The following HEPH variants were observed in gnomAD, a reference collection of about 807,000 sequenced individuals.
The protein encoded by HEPH is hephaestin.
A neutral mutation model predicts 80.8 loss-of-function variants in HEPH; 69 were observed. The ratio of observed to expected loss-of-function variants is 0.85; its 90% CI spans 0.70 to 1.04. HEPH has a LOEUF of 1.04. HEPH is among the 50% of genes least tolerant of loss of function. HEPH has a pLI of 0.00. For synonymous variants in HEPH, 431 were observed against 322.8 expected (o/e 1.34, Z -3.60); for missense variants, 1,115 against 891.3 (o/e 1.25, Z -3.20).
intron 15 of HEPH, among the ~76,000 whole-genome samples, chrX:66,208,563 G>A (rs1222228512): frequency 1.0e-5 from 1 of 99,510 alleles, no homozygotes; most frequent in African/African-American, 3.6e-5. Flanking sequence ...AGGCTGCAGT[G>A]AGCCAACATC....
At chrX:66,232,279 G>C in intron 15 of HEPH, among the ~76,000 whole-genome samples, 1 of 111,151 alleles carries the variant, frequency 9.0e-6, no homozygotes, top group Non-Finnish European at 1.9e-5. Flanking sequence ...GTATCAGAAT[G>C]ATGCTGGCCT....
intron 4 of HEPH, 67 bp downstream of exon 4, chrX:66,173,868 G>T (rs775210827): frequency 8.7e-6 from 7 of 800,166 alleles, no homozygotes; most frequent in Non-Finnish European, 1.3e-5. Context: ...TGATATGGTT[G>T]AACCACCTAC....
intron 15 of HEPH, among the ~76,000 whole-genome samples, chrX:66,230,058 G>A (rs1215094982): frequency 9.8e-6 from 1 of 101,748 alleles, no homozygotes; most frequent in Non-Finnish European, 2.0e-5. Context: ...AGTTTGCTGA[G>A]AATGATGATT....
intron 15 of HEPH, 160 bp downstream of exon 15, chrX:66,208,406 G>T (rs1181380921): frequency 4.3e-6 from 2 of 467,625 alleles, no homozygotes; most frequent in South Asian, 4.7e-5. Context: ...ATCACTTGAG[G>T]TTAGGAGTTC....
Position 66,188,450 on chromosome X carries a change from G to T in HEPH, c.717G>T (p.Trp239Cys). ...GTGTGGTAGATGAGAACCTCAGCTGGCATCTCAATGAGAACATTGCCACTT... is the reference window on the plus strand; with the variant it reads ...GTGTGGTAGATGAGAACCTCAGCTGTCATCTCAATGAGAACATTGCCACTT... ...LFSVVDENLS[W>C]HLNENIATYC... Residue 239 changes from tryptophan (W) to cysteine (C), a missense_variant, in exon 5 of 21, where the codon TGG becomes TGT. Around this residue, in one of 3 missense-constraint regions of HEPH, gnomAD observed 391 missense variants for 343.6 expected, o/e 1.14. Transcript: ENST00000343002. The T allele has an allele frequency of 8.3e-7, 1 of 1,206,691 alleles. No homozygotes were observed. Among genetic ancestry groups the T allele is most frequent in the South Asian group, 1.8e-5 (1 of 56,365 alleles).
chrX:66,215,043 A>G (rs1008383015), intron 15 of HEPH, among the ~76,000 whole-genome samples: 4 of 111,612 alleles, frequency 3.6e-5, no homozygotes, highest in Non-Finnish European at 7.5e-5. Flanking sequence ...CATTAAATTT[A>G]TAGATTAATT....
intron 4 of HEPH, among the ~76,000 whole-genome samples, chrX:66,175,616 A>G (rs1464651178): frequency 1.8e-5 from 2 of 111,608 alleles, no homozygotes; most frequent in Non-Finnish European, 3.8e-5. Flanking sequence ...TATTTTCACA[A>G]TATTGATCCT....
intron 18 of HEPH, 48 bp downstream of exon 18, chrX:66,259,027 G>T: frequency 1.8e-6 from 2 of 1,141,903 alleles, no homozygotes; most frequent in Non-Finnish European, 2.3e-6. Flanking sequence ...TAGAACAGTG[G>T]TTTAACAGCA....
chrX:66,202,755 C>G (rs1202264820), intron 12 of HEPH, among the ~76,000 whole-genome samples: 2 of 109,628 alleles, frequency 1.8e-5, no homozygotes, highest in African/African-American at 6.6e-5. Flanking sequence ...TATAGCATCA[C>G]TTAACTGAAC....
At chrX:66,174,844 G>A (rs1303527110) in intron 4 of HEPH, among the ~76,000 whole-genome samples, 1 of 111,533 alleles carries the variant, frequency 9.0e-6, no homozygotes. Flanking sequence ...CATGTTCTTA[G>A]CCCACTTTTT....
At chrX:66,179,034 A>G (rs1041071988) in intron 4 of HEPH, among the ~76,000 whole-genome samples, 1 of 111,426 alleles carries the variant, frequency 9.0e-6, no homozygotes, top group African/African-American at 3.3e-5. Flanking sequence ...CCTATGTCCT[A>G]AATGGTATTG....
chrX:66,244,990 G>T (rs2090746604), intron 15 of HEPH, among the ~76,000 whole-genome samples: 1 of 110,007 alleles, frequency 9.1e-6, no homozygotes, highest in Non-Finnish European at 1.9e-5. Flanking sequence ...ATTATGTGTA[G>T]AAAACTTCCA....
intron 13 of HEPH, among the ~76,000 whole-genome samples, chrX:66,205,745 G>A (rs997672213): frequency 2.7e-5 from 3 of 110,218 alleles, no homozygotes; most frequent in African/African-American, 6.6e-5. Flanking sequence ...ACAGGTGCAC[G>A]CTGCCACACC....
At chrX:66,165,796 G>C (rs777943842) in intron 1 of HEPH, among the ~76,000 whole-genome samples, 70 of 110,980 alleles carry the variant, frequency 6.3e-4, no homozygotes, top group Non-Finnish European at 1.2e-3. Context: ...TATTCCTTCT[G>C]CCTTCCTTTT....
intron 15 of HEPH, among the ~76,000 whole-genome samples, chrX:66,253,976 C>G (rs1034116737): frequency 1.8e-5 from 2 of 110,761 alleles, no homozygotes; most frequent in African/African-American, 6.6e-5. Context: ...GAGGGCAGTA[C>G]AGGAGTTTTT....
intron 16 of HEPH, 127 bp from the exon 17 acceptor site, chrX:66,255,978 G>T: frequency 4.3e-6 from 2 of 462,745 alleles, no homozygotes; most frequent in Admixed American, 8.0e-5. Context: ...ACTTATAAAT[G>T]TAAGATATCA....
chrX:66,206,991 T>A, intron 13 of HEPH, among the ~76,000 whole-genome samples: 1 of 108,481 alleles, frequency 9.2e-6, no homozygotes, highest in East Asian at 2.9e-4. Flanking sequence ...CACTCCAGCC[T>A]GGGCAACAAG....
chrX:66,208,661 T>C (rs1001268552), intron 15 of HEPH, among the ~76,000 whole-genome samples: 5 of 79,015 alleles, frequency 6.3e-5, no homozygotes, highest in African/African-American at 3.0e-4. Flanking sequence ...TATATATATA[T>C]ATATATATAT....
intron 15 of HEPH, among the ~76,000 whole-genome samples, chrX:66,248,113 C>T (rs1228354927): frequency 2.7e-5 from 3 of 110,421 alleles, no homozygotes; most frequent in African/African-American, 9.9e-5. Flanking sequence ...GTTATTATTT[C>T]TCTCTCTCTC....
Sources: allele counts gnomAD v4.1 joint callset (sites outside exome capture counted in the v4.1 genomes callset), GRCh38; gene constraint gnomAD v4.1.1; regional missense constraint gnomAD v4.1.1; transcripts MANE v1.5; gene names NCBI Gene and HGNC (gene_info 2026-07-23, HGNC 2026-07-21).